TNRC18: variants seen among roughly 807,000 people sequenced by gnomAD.
TNRC18 encodes trinucleotide repeat containing 18.
In TNRC18, 69 loss-of-function variants were observed where a neutral mutation model predicts 226.7. The observed-to-expected ratio is 0.30, with a 90% CI of 0.25 to 0.37. The LOEUF (loss-of-function observed/expected upper bound fraction) is 0.37, where lower values mean the gene tolerates loss of function less well. Among genes scored for constraint, TNRC18 ranks in the 10% least tolerant of loss-of-function variants. TNRC18 has a pLI of 1.00. For synonymous variants in TNRC18, 2,449 were observed against 1,927.6 expected (o/e 1.27, Z -7.09); for missense variants, 4,754 against 4,256.6 (o/e 1.12, Z -3.25).
At position 5,357,208 on chromosome 7, in the gene TNRC18, G is replaced by C. The variant is rs764604188; in HGVS notation, c.4902C>G (p.Leu1634=). 4 of 1,611,968 alleles carry C rather than the reference G, an allele frequency of 2.5e-6. No individual in the cohort carries two copies. The highest frequency in any genetic ancestry group is 3.4e-6 in the Non-Finnish European group (4 of 1,179,238). The stretch of plus-strand genomic sequence containing the variant: ...TCAACTTGTCCTGCTTGGTGAGGGA[G>C]AGGGCCTTGTCGAGCTTGCTTGCCA... ...EQLASKLDKA[L]SLTKQDKLKS... The change falls in exon 16 of 30, where the codon CTC becomes CTG. Residue 1634 remains leucine, a synonymous_variant. Transcript: ENST00000430969.
chr7:5,351,140 C>T (rs1356781556), intron 17 of TNRC18, among the ~76,000 whole-genome samples: 1 of 151,950 alleles, frequency 6.6e-6, no homozygotes, highest in Non-Finnish European at 1.5e-5. Flanking sequence ...ATTTGAATAA[C>T]ACAGGCAAGC....
At chr7:5,400,487 A>G (rs1333118915) in intron 2 of TNRC18, among the ~76,000 whole-genome samples, 2 of 152,006 alleles carry the variant, frequency 1.3e-5, no homozygotes, top group African/African-American at 4.8e-5. Flanking sequence ...TCGTGTCCCT[A>G]TAGTCCCAGC....
intron 21 of TNRC18, among the ~76,000 whole-genome samples, chr7:5,322,283 A>AATAATCATCATCATC (rs146792528): frequency 2.7e-5 from 4 of 149,390 alleles, no homozygotes; most frequent in African/African-American, 9.9e-5. Context: ...CCGTCTCAAT[A>AATAATCATCATCATC]ATCATCATCA....
In TNRC18 at chr7:5,312,481, G is replaced by A. The variant is rs772502056; in HGVS notation, c.8388+22C>T. On this transcript the variant is annotated intron_variant, in intron 27 of 29. Coordinates refer to ENST00000430969, the MANE Select transcript of TNRC18 (RefSeq NM_001080495.3). The surrounding 1 kb of genome is among the most constrained non-coding windows in gnomAD (Gnocchi z 6.3). ...ACAAGGCCCCCGGCCCCTCGGCCGT[G>A]CCCGGGCGCGAGCTTGCTCACCTGG... is the stretch of plus-strand genomic sequence containing the variant. 14 of 1,607,374 alleles carry A rather than the reference G, an allele frequency of 8.7e-6. No homozygotes were observed. In the Admixed American group the frequency reaches 1.7e-4, roughly 19 times the overall value.
Position 5,387,930 on chromosome 7 carries a change from G to A in TNRC18, c.1894C>T (p.Arg632Ter). 1.9e-6 allele frequency: 3 copies of A among 1,596,600 alleles called. No homozygotes were observed. The highest frequency in any genetic ancestry group is 2.6e-6 in the Non-Finnish European group (3 of 1,172,720). ...EPAPTSAGASRAQARLPHSGG... is the reference protein window; with the variant it reads ...EPAPTSAGAS ...GAGTGTGGGAGACGGGCCTGGGCTC[G>A]GGAGGCACCCGCAGAGGTGGGCGCA... The change falls in exon 5 of 30, where the codon CGA (arginine) becomes TGA (stop). Residue 632 changes from arginine to a stop codon, truncating the protein, a stop_gained. Coordinates refer to ENST00000430969, the MANE Select transcript of TNRC18 (RefSeq NM_001080495.3). LOFTEE classifies it high-confidence loss of function.
At chr7:5,359,367 T>C (rs990059601) in intron 15 of TNRC18, 31 bp downstream of exon 15, 1 of 1,612,192 alleles carries the variant, frequency 6.2e-7, no homozygotes, top group Middle Eastern at 1.7e-4. Flanking sequence ...CCCTGAAAGA[T>C]CTCACACACC....
intron 2 of TNRC18, among the ~76,000 whole-genome samples, chr7:5,412,875 C>T (rs1745492917): frequency 6.6e-6 from 1 of 152,194 alleles, no homozygotes; most frequent in East Asian, 1.9e-4. Context: ...TCCCCCCAGG[C>T]TGAGGGTCCA....
At chr7:5,400,335 A>G (rs976807273) in intron 2 of TNRC18, among the ~76,000 whole-genome samples, 7 of 152,010 alleles carry the variant, frequency 4.6e-5, no homozygotes, top group African/African-American at 1.7e-4. Flanking sequence ...CAGAGCTGGG[A>G]GTGGTGGCTC....
intron 24 of TNRC18, among the ~76,000 whole-genome samples, chr7:5,319,320 T>C (rs1259875733): frequency 1.3e-5 from 2 of 152,194 alleles, no homozygotes; most frequent in East Asian, 3.8e-4. Flanking sequence ...CAGTGGACTG[T>C]ATTTGGCATG....
At chr7:5,397,515 T>C (rs1284506641) in intron 2 of TNRC18, among the ~76,000 whole-genome samples, 1 of 152,166 alleles carries the variant, frequency 6.6e-6, no homozygotes, top group East Asian at 1.9e-4. Context: ...AGCAAGGCAG[T>C]GCCGTTCTCA....
chr7:5,388,978 G>C lies in TNRC18; in HGVS notation c.846C>G (p.Thr282=), dbSNP rs1162372256. 5 of 1,389,072 alleles carry C rather than the reference G, an allele frequency of 3.6e-6. No individual in the cohort carries two copies. In the African/African-American group the frequency reaches 4.7e-5, roughly 13 times the overall value. 86.0% of individuals were successfully genotyped at this position (1,389,072 alleles called of 1,614,324 possible). ...KNAALQPSVL[T]MCNGGAGDVG... The stretch of plus-strand genomic sequence containing the variant: ...CGTCCCCGGCGCCGCCGTTGCACAT[G>C]GTCAGTACCGACGGCTGCAGCGCCG... The change falls in exon 5 of 30, where the codon ACC becomes ACG. Residue 282 remains threonine, a synonymous_variant. Coordinates refer to ENST00000430969, the MANE Select transcript of TNRC18 (RefSeq NM_001080495.3).
At chr7:5,393,727 C>T (rs1312983669) in intron 3 of TNRC18, among the ~76,000 whole-genome samples, 1 of 152,160 alleles carries the variant, frequency 6.6e-6, no homozygotes, top group Non-Finnish European at 1.5e-5. Flanking sequence ...CATTCCTTTG[C>T]AGGCAGAAAA....
chr7:5,314,667 G>T (rs2031697296), intron 26 of TNRC18, among the ~76,000 whole-genome samples: 1 of 147,540 alleles, frequency 6.8e-6, no homozygotes, highest in South Asian at 2.1e-4. Context: ...CCAGCTCCCA[G>T]GTTGAAGTGA....
chr7:5,322,283 A>ATCATCATC (rs1788457758), intron 21 of TNRC18, among the ~76,000 whole-genome samples: 44 of 149,390 alleles, frequency 2.9e-4, no homozygotes, highest in East Asian at 8.2e-4. Flanking sequence ...CCGTCTCAAT[A>ATCATCATC]ATCATCATCA....
At chr7:5,412,920 C>T (rs1184257791) in intron 2 of TNRC18, among the ~76,000 whole-genome samples, 1 of 152,204 alleles carries the variant, frequency 6.6e-6, no homozygotes, top group African/African-American at 2.4e-5. Flanking sequence ...ACCTCACATG[C>T]AATGCTGAGT....
At chr7:5,403,615 A>G (rs969878043) in intron 2 of TNRC18, among the ~76,000 whole-genome samples, 1 of 151,930 alleles carries the variant, frequency 6.6e-6, no homozygotes, top group Non-Finnish European at 1.5e-5. Flanking sequence ...ACCTAGCAAG[A>G]CCCCATCTAT....
chr7:5,362,802 G>C lies in TNRC18; in HGVS notation c.4243C>G (p.Arg1415Gly), dbSNP rs200218517. ...GCCAGCAGACTCTCCAGGGAGGGCCGCGCCACCAGGGCCCGCTCCGCACCT... is the reference window on the plus strand; with the variant it reads ...GCCAGCAGACTCTCCAGGGAGGGCCCCGCCACCAGGGCCCGCTCCGCACCT... ...MGGAERALVA[R>G]PSLESLLAAG... Residue 1415 changes from arginine to glycine, a missense_variant, in exon 12 of 30, where the codon CGG (arginine) becomes GGG (glycine). Physicochemically the swap from Arg to Gly is moderately radical, Grantham distance 125. Transcript: ENST00000430969. 6.6e-4 allele frequency: 1,039 copies of C among 1,563,818 alleles called. 1 individual carries two copies. Among genetic ancestry groups the C allele is most frequent in the Non-Finnish European group, 8.3e-4 (953 of 1,155,140 alleles).
intron 10 of TNRC18, among the ~76,000 whole-genome samples, chr7:5,373,235 G>C (rs1405305123): frequency 6.6e-6 from 1 of 152,110 alleles, no homozygotes; most frequent in Non-Finnish European, 1.5e-5. Flanking sequence ...GAAACAGGAG[G>C]ATCGCTCGAG....
chr7:5,361,885 G>A lies in TNRC18; in HGVS notation c.4532+12C>T, dbSNP rs1307615987. The stretch of plus-strand genomic sequence containing the variant: ...GCAGGGGCCCCACGGGGCGGGCGGG[G>A]GACACACTCACTCGGAGTCCCGGCG... On this transcript the variant is annotated intron_variant, in intron 13 of 29. Coordinates refer to ENST00000430969, the MANE Select transcript of TNRC18 (RefSeq NM_001080495.3). The A allele has an allele frequency of 3.2e-6, 5 of 1,546,068 alleles. No homozygotes were observed. Among genetic ancestry groups the A allele is most frequent in the South Asian group, 2.4e-5 (2 of 83,778 alleles).
Sources: allele counts gnomAD v4.1 joint callset (sites outside exome capture counted in the v4.1 genomes callset), GRCh38; gene constraint gnomAD v4.1.1; non-coding constraint Gnocchi (gnomAD v3.1); transcripts MANE v1.5; gene names NCBI Gene and HGNC (gene_info 2026-07-23, HGNC 2026-07-21).